The following ATP8A1 variants were observed in gnomAD, a reference collection of about 807,000 sequenced individuals.
The protein encoded by ATP8A1 is phospholipid-transporting ATPase IA.
A neutral mutation model predicts 177.7 loss-of-function variants in ATP8A1; 90 were observed. The observed-to-expected ratio is 0.51, with a 90% confidence interval of 0.43 to 0.60. The LOEUF is 0.60. Ranked by LOEUF, ATP8A1 falls within the 20% of genes least tolerant of loss-of-function variation. The pLI, the probability that ATP8A1 is intolerant of heterozygous loss-of-function variation, is 0.00. For synonymous variants in ATP8A1, 493 were observed against 485.9 expected, an observed-to-expected ratio of 1.01 and a Z score of -0.19; for missense variants, 1,072 against 1,392.8, an observed-to-expected ratio of 0.77 and a Z score of 3.67.
At chr4:42,521,975 C>T (rs1726174932) in intron 22 of ATP8A1, among the ~76,000 whole-genome samples, 185 bp downstream of exon 22, 1 of 152,022 alleles carries the variant, frequency 6.6e-6, no homozygotes, top group Admixed American at 6.6e-5. Context: ...ATGTCTAACC[C>T]CAAAGGCTTC....
chr4:42,428,757 G>A (rs1187078728), intron 33 of ATP8A1, among the ~76,000 whole-genome samples: 1 of 152,066 alleles, frequency 6.6e-6, no homozygotes, highest in Non-Finnish European at 1.5e-5. Context: ...TGCTTTCCCA[G>A]TATCATCTCT....
chr4:42,604,654 A>G (rs1735612406), intron 5 of ATP8A1, among the ~76,000 whole-genome samples: 1 of 152,212 alleles, frequency 6.6e-6, no homozygotes, highest in Non-Finnish European at 1.5e-5. Flanking sequence ...GTTACCACAG[A>G]CCCAGAAATT....
chr4:42,506,311 C>A (rs1724361842), intron 23 of ATP8A1, among the ~76,000 whole-genome samples: 1 of 152,170 alleles, frequency 6.6e-6, no homozygotes, highest in Non-Finnish European at 1.5e-5. Flanking sequence ...TGCCTTGCCC[C>A]TTCTACCATG....
At position 42,583,684 on chromosome 4, in the gene ATP8A1, A is replaced by T. The variant is rs183370690; in HGVS notation, c.723-1952T>A. ...TCCTTAAAAGCAACAAAGTATACTC[A>T]TTCCAAAGGGTCTCCAAGAGCTTTG... On this transcript the variant is annotated intron_variant, in intron 9 of 36. Transcript: ENST00000381668. Among the ~76,000 whole-genome samples, 275 of 152,344 alleles carry T rather than the reference A, an allele frequency of 1.8e-3. 1 individual carries two copies. Among genetic ancestry groups the T allele is most frequent in the African/African-American group, 6.3e-3 (261 of 41,568 alleles).
intron 15 of ATP8A1, 72 bp from the exon 16 acceptor site, chr4:42,556,112 T>A: frequency 9.1e-7 from 1 of 1,102,986 alleles, no homozygotes; most frequent in East Asian, 2.6e-5. Flanking sequence ...TTAATGTACT[T>A]TATGAGTAAA....
intron 12 of ATP8A1, among the ~76,000 whole-genome samples, chr4:42,575,920 G>C (rs1328768443): frequency 2.0e-5 from 3 of 152,144 alleles, no homozygotes; most frequent in East Asian, 1.9e-4. Context: ...GAACAGTATG[G>C]TAGTTAGAGC....
At chr4:42,440,583 C>T (rs1416990517) in intron 33 of ATP8A1, among the ~76,000 whole-genome samples, 4 of 151,912 alleles carry the variant, frequency 2.6e-5, no homozygotes, top group South Asian at 2.1e-4. Context: ...CCTAGAATAG[C>T]GTCAGACACA....
chr4:42,560,242 G>A (rs1357689727), intron 15 of ATP8A1, among the ~76,000 whole-genome samples: 6 of 152,068 alleles, frequency 3.9e-5, no homozygotes, highest in African/African-American at 9.7e-5. Flanking sequence ...AGAAGAGATC[G>A]GTAAAGATAC....
At chr4:42,515,219 G>C (rs921755366) in intron 22 of ATP8A1, among the ~76,000 whole-genome samples, 5 of 152,132 alleles carry the variant, frequency 3.3e-5, no homozygotes, top group Non-Finnish European at 5.9e-5. Context: ...AAATAGAACA[G>C]GAAACTACTG....
chr4:42,614,342 T>C (rs1456673579), intron 5 of ATP8A1, among the ~76,000 whole-genome samples: 5 of 152,236 alleles, frequency 3.3e-5, no homozygotes, highest in East Asian at 1.9e-4. Flanking sequence ...TGCTACAAGA[T>C]ACATTATGGG....
chr4:42,586,588 T>G, intron 8 of ATP8A1, 112 bp from the exon 9 acceptor site: 1 of 1,017,982 alleles, frequency 9.8e-7, no homozygotes, highest in Non-Finnish European at 1.4e-6. Context: ...CCCATTATTT[T>G]TATAAGCAAT....
At chr4:42,598,269 A>C (rs373193729) in intron 6 of ATP8A1, among the ~76,000 whole-genome samples, 12 of 152,262 alleles carry the variant, frequency 7.9e-5, no homozygotes, top group African/African-American at 2.9e-4. Flanking sequence ...TAAAACTGCT[A>C]ATCTGTGATA....
At chr4:42,424,315 T>C (rs1714333721) in intron 33 of ATP8A1, among the ~76,000 whole-genome samples, 1 of 152,042 alleles carries the variant, frequency 6.6e-6, no homozygotes, top group African/African-American at 2.4e-5. Context: ...ATAAATTCTA[T>C]TATTTATTTG....
chr4:42,610,342 C>T (rs1046406477), intron 5 of ATP8A1, among the ~76,000 whole-genome samples: 10 of 152,042 alleles, frequency 6.6e-5, no homozygotes, highest in African/African-American at 1.4e-4. Flanking sequence ...TTGAATCACA[C>T]CCATTTTTCC....
intron 22 of ATP8A1, among the ~76,000 whole-genome samples, chr4:42,514,151 G>T (rs1028958098): frequency 1.3e-5 from 2 of 152,176 alleles, no homozygotes; most frequent in Non-Finnish European, 2.9e-5. Flanking sequence ...ATTTTTCTAA[G>T]GCCAAGAAAT....
intron 25 of ATP8A1, among the ~76,000 whole-genome samples, chr4:42,470,307 A>C (rs1216732728): frequency 6.6e-6 from 1 of 152,136 alleles, no homozygotes; most frequent in East Asian, 1.9e-4. Context: ...CTATGCAGTA[A>C]CTCTCACTGC....
chr4:42,447,107 T>G (rs1014048278), intron 30 of ATP8A1, among the ~76,000 whole-genome samples: 2 of 152,234 alleles, frequency 1.3e-5, no homozygotes, highest in African/African-American at 4.8e-5. Flanking sequence ...TGTGGTTCTT[T>G]GAGGATCTGG....
chr4:42,515,944 AC>A (rs1434813816), intron 22 of ATP8A1, among the ~76,000 whole-genome samples: 2 of 152,174 alleles, frequency 1.3e-5, no homozygotes, highest in Admixed American at 1.3e-4. Flanking sequence ...TTTCTAACAT[AC>A]CCCTAAATTA....
intron 6 of ATP8A1, among the ~76,000 whole-genome samples, chr4:42,599,420 A>C (rs1311644832): frequency 2.6e-5 from 4 of 152,226 alleles, no homozygotes; most frequent in Non-Finnish European, 5.9e-5. Context: ...TTCCTATCAC[A>C]GAAATAAATA....
Sources: allele counts gnomAD v4.1 joint callset (sites outside exome capture counted in the v4.1 genomes callset), GRCh38; gene constraint gnomAD v4.1.1; transcripts MANE v1.5; gene names NCBI Gene and HGNC (gene_info 2026-07-23, HGNC 2026-07-21).